XRCC4: variants seen among roughly 807,000 people sequenced by gnomAD.
XRCC4 encodes DNA repair protein XRCC4.
A neutral mutation model predicts 39.1 loss-of-function variants in XRCC4; 28 were observed. The ratio of observed to expected loss-of-function variants is 0.72; its 90% confidence interval spans 0.53 to 0.98. The LOEUF (loss-of-function observed/expected upper bound fraction) is 0.98, where lower values mean the gene tolerates loss of function less well. XRCC4 is among the 50% of genes least tolerant of loss of function. The probability of loss-of-function intolerance (pLI) is 0.00; values close to 1 mark genes in which losing one functional copy is unlikely to be tolerated. For synonymous variants in XRCC4, 123 were observed against 126.4 expected (o/e 0.97, Z 0.18); for missense variants, 350 against 376.4 (o/e 0.93, Z 0.58).
intron 1 of XRCC4, among the ~76,000 whole-genome samples, chr5:83,095,412 G>T (rs1745630393): frequency 1.3e-5 from 2 of 152,164 alleles, no homozygotes; most frequent in Admixed American, 1.3e-4. Context: ...ATGTTCAATA[G>T]AAATGCTTAT....
chr5:83,128,660 G>A (rs1177783311), intron 3 of XRCC4, among the ~76,000 whole-genome samples: 2 of 152,026 alleles, frequency 1.3e-5, no homozygotes, highest in Admixed American at 6.6e-5. Flanking sequence ...TTTAATGATC[G>A]CCATTCTAAC....
intron 7 of XRCC4, among the ~76,000 whole-genome samples, chr5:83,330,326 T>C (rs1350352288): frequency 1.3e-5 from 2 of 151,992 alleles, no homozygotes; most frequent in Non-Finnish European, 2.9e-5. Context: ...AGCAGCATTA[T>C]TTTTGCAAAA....
At chr5:83,293,367 T>C (rs760478637) in intron 7 of XRCC4, among the ~76,000 whole-genome samples, 15 of 152,058 alleles carry the variant, frequency 9.9e-5, no homozygotes, top group Non-Finnish European at 1.8e-4. Flanking sequence ...TAGAAGTTAC[T>C]CACATATATC....
intron 3 of XRCC4, among the ~76,000 whole-genome samples, chr5:83,128,790 T>A (rs1747407919): frequency 6.6e-6 from 1 of 152,210 alleles, no homozygotes; most frequent in South Asian, 2.1e-4. Flanking sequence ...AAGTGTCTGT[T>A]CATATCCTTT....
At chr5:83,155,894 G>A (rs1036989801) in intron 3 of XRCC4, among the ~76,000 whole-genome samples, 7 of 151,660 alleles carry the variant, frequency 4.6e-5, no homozygotes, top group African/African-American at 1.5e-4. Context: ...TTTCTCTAGC[G>A]TTAAATAGAC....
chr5:83,335,466 C>G (rs1160737860), intron 7 of XRCC4, among the ~76,000 whole-genome samples: 1 of 151,936 alleles, frequency 6.6e-6, no homozygotes. Context: ...AAAAAGCCTT[C>G]TGTAAGAGAA....
intron 6 of XRCC4, among the ~76,000 whole-genome samples, chr5:83,225,605 GA>G (rs869143323): frequency 0.2 from 11,998 of 60,542 alleles, 985 homozygotes; most frequent in African/African-American, 0.38. Flanking sequence ...ATTTATTCCA[GA>G]AAAAAAAAAA....
At chr5:83,357,949 C>T (rs1757208248), downstream of XRCC4, among the ~76,000 whole-genome samples, 1 of 152,140 alleles carries the variant, frequency 6.6e-6, no homozygotes, top group South Asian at 2.1e-4. Context: ...CACGAATTTA[C>T]TTATAAGACA....
intron 3 of XRCC4, among the ~76,000 whole-genome samples, chr5:83,131,701 C>T (rs1004137697): frequency 2.6e-5 from 4 of 151,776 alleles, no homozygotes; most frequent in Non-Finnish European, 4.4e-5. Context: ...GGATTGCAAC[C>T]CCTCCTTTTT....
intron 1 of XRCC4, among the ~76,000 whole-genome samples, chr5:83,095,753 T>C (rs183182761): frequency 1.3e-5 from 2 of 152,216 alleles, no homozygotes; most frequent in African/African-American, 4.8e-5. Context: ...ACTTGCAGGA[T>C]AGTTCTTAAA....
At chr5:83,196,323 C>T (rs533813136) in intron 4 of XRCC4, among the ~76,000 whole-genome samples, 2 of 152,058 alleles carry the variant, frequency 1.3e-5, no homozygotes, top group African/African-American at 2.4e-5. Context: ...CATTTGGGCT[C>T]AGTGAGTGGC....
At chr5:83,110,322 G>A (rs1418412650) in intron 2 of XRCC4, among the ~76,000 whole-genome samples, 1 of 151,944 alleles carries the variant, frequency 6.6e-6, no homozygotes, top group African/African-American at 2.4e-5. Flanking sequence ...TTTAAAAGAA[G>A]GGTAGGATAA....
intron 7 of XRCC4, among the ~76,000 whole-genome samples, chr5:83,325,180 G>C (rs975509220): frequency 6.6e-6 from 1 of 151,990 alleles, no homozygotes; most frequent in Admixed American, 6.6e-5. Context: ...CTGTTTTTTA[G>C]AGTCCATGAC....
intron 7 of XRCC4, among the ~76,000 whole-genome samples, chr5:83,300,834 G>C (rs1244784160): frequency 6.6e-6 from 1 of 151,820 alleles, no homozygotes; most frequent in Non-Finnish European, 1.5e-5. Flanking sequence ...GCAGTGTTTG[G>C]TTTTCTGTTC....
At chr5:83,299,910 C>T (rs1411221210) in intron 7 of XRCC4, among the ~76,000 whole-genome samples, 3 of 152,078 alleles carry the variant, frequency 2.0e-5, no homozygotes, top group African/African-American at 7.2e-5. Context: ...ACTATTCTTA[C>T]TTATGTGCTT....
chr5:83,121,673 C>G (rs1305815522), intron 3 of XRCC4, among the ~76,000 whole-genome samples: 1 of 152,146 alleles, frequency 6.6e-6, no homozygotes, highest in East Asian at 1.9e-4. Context: ...AATACTTTCT[C>G]CAAGTTTGTG....
In XRCC4 at chr5:83,266,035, A is replaced by G. The variant is rs145654192; in HGVS notation, c.893+7358A>G. ...AGGGGATTTATCGTATGTTTCCTAT[A>G]TGTTATACTCTTGTCATTTGAAAGA... On this transcript the variant is annotated intron_variant, in intron 7 of 7. Coordinates refer to ENST00000396027, the MANE Select transcript of XRCC4 (RefSeq NM_003401.5). Among the ~76,000 whole-genome samples, 294 of 152,078 alleles carry G rather than the reference A, an allele frequency of 1.9e-3. 1 individual carries two copies. The highest frequency in any genetic ancestry group is 3.7e-3 in the Non-Finnish European group (251 of 67,928).
intron 7 of XRCC4, among the ~76,000 whole-genome samples, chr5:83,292,758 T>G (rs1406971261): frequency 6.6e-6 from 1 of 151,874 alleles, no homozygotes; most frequent in African/African-American, 2.4e-5. Context: ...CTTAGTTGTT[T>G]GAGCAATAGC....
chr5:83,294,303 A>G (rs969451117), intron 7 of XRCC4, among the ~76,000 whole-genome samples: 11 of 152,052 alleles, frequency 7.2e-5, no homozygotes, highest in African/African-American at 2.7e-4. Flanking sequence ...AAAGACAATG[A>G]GGATGATAGA....
Sources: allele counts gnomAD v4.1 joint callset (sites outside exome capture counted in the v4.1 genomes callset), GRCh38; gene constraint gnomAD v4.1.1; transcripts MANE v1.5; gene names NCBI Gene and HGNC (gene_info 2026-07-23, HGNC 2026-07-21).